Variants in OLFM1 observed in about 807,000 individuals in gnomAD.
OLFM1 encodes the protein olfactomedin 1, also known as noelin.
Under a neutral mutation model 49.7 loss-of-function variants are expected in OLFM1, and 9 were observed. The observed-to-expected ratio is 0.18, with a 90% CI of 0.11 to 0.32. OLFM1 has a LOEUF of 0.32. Ranked by LOEUF, OLFM1 falls within the 10% of genes least tolerant of loss-of-function variation. The pLI is 1.00. For missense variants in OLFM1, 369 were observed against 661.8 expected (o/e 0.56, Z 4.85); for synonymous variants, 240 against 271.8 (o/e 0.88, Z 1.15).
chr9:135,085,924 G>T (rs1469146093), upstream of OLFM1, among the ~76,000 whole-genome samples: 1 of 152,238 alleles, frequency 6.6e-6, no homozygotes, highest in Non-Finnish European at 1.5e-5. Context: ...TCAGGTGCAG[G>T]TTAGAGCAGT....
At chr9:135,082,938 G>C (rs945275315), upstream of OLFM1, among the ~76,000 whole-genome samples, 5 of 152,162 alleles carry the variant, frequency 3.3e-5, no homozygotes, top group Non-Finnish European at 7.3e-5. Context: ...AAAGAACTTT[G>C]TTTGGAATCT....
intron 4 of OLFM1, among the ~76,000 whole-genome samples, chr9:135,100,306 A>G (rs991344749): frequency 6.6e-6 from 1 of 152,192 alleles, no homozygotes; most frequent in South Asian, 2.1e-4. Context: ...TGGCCTTCCC[A>G]TCTGTGCTTG....
At chr9:135,105,433 G>A (rs377736166) in intron 4 of OLFM1, among the ~76,000 whole-genome samples, 159 of 152,334 alleles carry the variant, frequency 1.0e-3, no homozygotes, top group Middle Eastern at 3.4e-3. Context: ...CCTCCATGCC[G>A]GCAGGGCCGG....
chr9:135,104,291 C>T (rs985071547), intron 4 of OLFM1, among the ~76,000 whole-genome samples: 16 of 152,294 alleles, frequency 1.1e-4, no homozygotes, highest in African/African-American at 3.4e-4. Flanking sequence ...AGCAAAGCTG[C>T]GTGAACCAGC....
chr9:135,092,831 T>C (rs1004857757), intron 2 of OLFM1, among the ~76,000 whole-genome samples: 1 of 152,242 alleles, frequency 6.6e-6, no homozygotes, highest in African/African-American at 2.4e-5. Context: ...CCATTTGCTA[T>C]GAAAGAGGGC....
upstream of OLFM1, among the ~76,000 whole-genome samples, chr9:135,085,279 G>A (rs1312674418): frequency 3.9e-5 from 6 of 152,244 alleles, no homozygotes; most frequent in Non-Finnish European, 8.8e-5. Flanking sequence ...CGGCCTCTGT[G>A]GCTCGTGGAA....
intron 5 of OLFM1, among the ~76,000 whole-genome samples, chr9:135,119,216 C>T (rs1831149569): frequency 6.7e-6 from 1 of 149,680 alleles, no homozygotes; most frequent in African/African-American, 2.5e-5. Context: ...GGAGTGCTCG[C>T]TGTGTCTTTG....
Position 135,113,071 on chromosome 9 carries a change from G to A in OLFM1, c.783+6216G>A, listed in dbSNP as rs1295959263. 6.6e-6 allele frequency among the ~76,000 whole-genome samples: 1 copy of A among 152,182 alleles called. No individual in the cohort carries two copies. Among genetic ancestry groups the A allele is most frequent in the Non-Finnish European group, 1.5e-5 (1 of 68,034 alleles). ...GTGCAAGATCCAGACCAGCGTGCAC[G>A]CTTCCTAATGCACAGAGCATGTGGC... is the stretch of plus-strand genomic sequence containing the variant. On this transcript the variant is annotated intron_variant, in intron 5 of 5. Transcript: ENST00000371793. The surrounding 1 kb of genome is among the most constrained non-coding windows in gnomAD (Gnocchi z 4.0).
intron 1 of OLFM1, chr9:135,077,015 T>C (rs910148292): frequency 1.9e-6 from 3 of 1,550,468 alleles, no homozygotes; most frequent in Non-Finnish European, 8.7e-7. Flanking sequence ...CTTCTCCTGG[T>C]GCTGCCCAGA....
chr9:135,075,943 G>A, intron 1 of OLFM1: 1 of 1,414,568 alleles, frequency 7.1e-7, no homozygotes. Flanking sequence ...GGGTTGGGGA[G>A]GGGGCCAGGG....
chr9:135,113,764 A>G lies in OLFM1; in HGVS notation c.784-5740A>G, dbSNP rs1831055844. ...CCCTCCGGGCTCACGGTCAGGTGGG[A>G]GACACATGCCCGATGCCCCAGCACA... is the stretch of plus-strand genomic sequence containing the variant. On this transcript the variant is annotated intron_variant, in intron 5 of 5. Transcript: ENST00000371793. This position sits in a 1 kb window ranked among gnomAD's most constrained non-coding sequence, Gnocchi z 4.0. Among the ~76,000 whole-genome samples the G allele has an allele frequency of 6.6e-6, 1 of 152,174 alleles. No homozygotes were observed. The highest frequency in any genetic ancestry group is 1.9e-4 in the East Asian group (1 of 5,176).
chr9:135,092,144 G>A (rs1303756616), intron 2 of OLFM1, among the ~76,000 whole-genome samples: 3 of 152,206 alleles, frequency 2.0e-5, no homozygotes, highest in Admixed American at 1.3e-4. Context: ...GCATTGACCC[G>A]ACTCGGGTCC....
chr9:135,079,016 T>C (rs1249493465), intron 1 of OLFM1, among the ~76,000 whole-genome samples: 1 of 152,164 alleles, frequency 6.6e-6, no homozygotes, highest in Non-Finnish European at 1.5e-5. Flanking sequence ...GGCTCACTCA[T>C]CCTCTCCTTA....
upstream of OLFM1, among the ~76,000 whole-genome samples, chr9:135,084,044 C>G (rs1830564919): frequency 6.6e-6 from 1 of 152,210 alleles, no homozygotes; most frequent in South Asian, 2.1e-4. This position sits in a 1 kb window ranked among gnomAD's most constrained non-coding sequence, Gnocchi z 4.6. Context: ...ATGTGTGAAC[C>G]CAGAGGCCTC....
intron 5 of OLFM1, among the ~76,000 whole-genome samples, chr9:135,107,327 C>T (rs919941606): frequency 6.6e-6 from 1 of 152,252 alleles, no homozygotes; most frequent in Non-Finnish European, 1.5e-5. Context: ...GATGGAGACT[C>T]ATGTTCCTTT....
At chr9:135,086,547 G>A, upstream of OLFM1, 1 of 448,890 alleles carries the variant, frequency 2.2e-6, no homozygotes, top group South Asian at 1.6e-5. Flanking sequence ...CCCAGGCAGA[G>A]AAGAGTGTAG....
chr9:135,110,542 T>C (rs1215970588), intron 5 of OLFM1, among the ~76,000 whole-genome samples: 2 of 152,216 alleles, frequency 1.3e-5, no homozygotes, highest in African/African-American at 4.8e-5. Flanking sequence ...CCACGGAATC[T>C]TTTTTTCCAG....
At chr9:135,116,877 G>GA (rs139575117) in intron 5 of OLFM1, among the ~76,000 whole-genome samples, 29,759 of 136,970 alleles carry the variant, frequency 0.22, 3,508 homozygotes, top group Non-Finnish European at 0.3. Flanking sequence ...AGGCCCAGCT[G>GA]AAAAAAAAAA....
At position 135,088,902 on chromosome 9, in the gene OLFM1, C is replaced by T. The variant is rs1001983954; in HGVS notation, c.150+763C>T. ...AGCCTAGCGGGAGGGGAACCGTGGC[C>T]GGGGCTGCTTCTGGGCAGAGCTGAC... On this transcript the variant is annotated intron_variant, in intron 1 of 5. Transcript: ENST00000371793. This position sits in a 1 kb window ranked among gnomAD's most constrained non-coding sequence, Gnocchi z 4.8. Among the ~76,000 whole-genome samples, 2 of 152,192 alleles carry T rather than the reference C, an allele frequency of 1.3e-5. No homozygotes were observed. Among genetic ancestry groups the T allele is most frequent in the East Asian group, 1.9e-4 (1 of 5,180 alleles).
Sources: allele counts gnomAD v4.1 joint callset (sites outside exome capture counted in the v4.1 genomes callset), GRCh38; gene constraint gnomAD v4.1.1; non-coding constraint Gnocchi (gnomAD v3.1); transcripts MANE v1.5; gene names NCBI Gene and HGNC (gene_info 2026-07-23, HGNC 2026-07-21).